MATN3: variants seen among roughly 807,000 people sequenced by gnomAD.
MATN3 encodes matrilin 3.
A neutral mutation model predicts 45.3 loss-of-function variants in MATN3; 48 were observed. The ratio of observed to expected loss-of-function variants is 1.06; its 90% CI spans 0.84 to 1.35. The LOEUF (loss-of-function observed/expected upper bound fraction) is 1.35, where lower values mean the gene tolerates loss of function less well. Among genes scored for constraint, MATN3 ranks in the 40% most tolerant of loss-of-function variants. The pLI, the probability that MATN3 is intolerant of heterozygous loss-of-function variation, is 0.00. For synonymous variants in MATN3, 217 were observed against 245.9 expected, an observed-to-expected ratio of 0.88 and a Z score of 1.10; for missense variants, 599 against 628.0, an observed-to-expected ratio of 0.95 and a Z score of 0.49.
intron 5 of MATN3, among the ~76,000 whole-genome samples, chr2:19,998,475 G>A (rs1672922988): frequency 6.6e-6 from 1 of 152,104 alleles, no homozygotes; most frequent in South Asian, 2.1e-4. Context: ...ATATAAATAG[G>A]CCAGGCACAG....
chr2:19,996,930 AAAAC>A (rs1297400509), intron 6 of MATN3, among the ~76,000 whole-genome samples, 200 bp downstream of exon 6: 1 of 152,216 alleles, frequency 6.6e-6, no homozygotes, highest in Non-Finnish European at 1.5e-5. Context: ...AAAAATGTGA[AAAAC>A]AGAGAAGACA....
chr2:20,005,631 A>AT, intron 2 of MATN3, 113 bp downstream of exon 2: 2 of 892,944 alleles, frequency 2.2e-6, no homozygotes, highest in South Asian at 3.7e-5. Context: ...CATTGGATAT[A>AT]TTTAAGTTTT....
chr2:19,996,794 C>G (rs928908226), intron 6 of MATN3, among the ~76,000 whole-genome samples: 3 of 151,828 alleles, frequency 2.0e-5, no homozygotes, highest in Non-Finnish European at 4.4e-5. Context: ...TGGTGGTTGC[C>G]CAACAATGTA....
Position 20,006,963 on chromosome 2 carries a change from A to G in MATN3, c.224-653T>C, listed in dbSNP as rs575373444. The stretch of plus-strand genomic sequence containing the variant: ...CCAGGCGTGGTGGCTCATGCCTGTA[A>G]TCCCAGCACTTTGGGAGGCCAAGGC... On this transcript the variant is annotated intron_variant, in intron 1 of 7. Coordinates refer to ENST00000407540, the MANE Select transcript of MATN3 (RefSeq NM_002381.5). Among the ~76,000 whole-genome samples the G allele has an allele frequency of 2.0e-3, 304 of 152,336 alleles. 1 individual carries two copies. The highest frequency in any genetic ancestry group is 3.3e-3 in the Admixed American group (51 of 15,314).
At chr2:20,004,939 C>G (rs893197885) in intron 2 of MATN3, among the ~76,000 whole-genome samples, 1 of 152,156 alleles carries the variant, frequency 6.6e-6, no homozygotes, top group Non-Finnish European at 1.5e-5. Context: ...ATGAGTCCCA[C>G]AGATCATAAT....
chr2:20,005,648 A>C (rs1673082569), intron 2 of MATN3, 96 bp downstream of exon 2: 3 of 1,109,484 alleles, frequency 2.7e-6, no homozygotes, highest in African/African-American at 2.1e-5. Flanking sequence ...TTTTTCATTA[A>C]ATTTCCACCA....
intron 5 of MATN3, among the ~76,000 whole-genome samples, chr2:19,999,751 A>G (rs946948598): frequency 1.3e-5 from 2 of 152,106 alleles, no homozygotes; most frequent in African/African-American, 4.8e-5. Context: ...AACACATTCA[A>G]TATGCCAAAG....
At chr2:19,997,390 A>ATGG in intron 5 of MATN3, 131 bp from the exon 6 acceptor site, 2 of 897,616 alleles carry the variant, frequency 2.2e-6, no homozygotes, top group Non-Finnish European at 1.6e-6. Flanking sequence ...AGTCAGCAAC[A>ATGG]GGCCCCATGC....
rs181466435 is a variant in MATN3 at position 19,995,034 on chromosome 2, G to A, written c.1295-625C>T. Among the ~76,000 whole-genome samples, 172 of 152,266 alleles carry A rather than the reference G, an allele frequency of 1.1e-3. No homozygotes were observed. The highest frequency in any genetic ancestry group is 2.0e-3 in the Non-Finnish European group (134 of 68,010). On this transcript the variant is annotated intron_variant, in intron 6 of 7. Coordinates refer to ENST00000407540, the MANE Select transcript of MATN3 (RefSeq NM_002381.5). This position sits in a 1 kb window ranked among gnomAD's most constrained non-coding sequence, Gnocchi z 4.2. ...GAGCCCAGGAGTTCAAGGCTGCAGT[G>A]AGCCATGATCACACCACTGCACTCC...
intron 3 of MATN3, among the ~76,000 whole-genome samples, 190 bp downstream of exon 3, chr2:20,002,971 G>A (rs950557164): frequency 1.3e-5 from 2 of 152,254 alleles, no homozygotes; most frequent in East Asian, 1.9e-4. Context: ...GAAATAAGCT[G>A]ATTTATCTAT....
intron 1 of MATN3, among the ~76,000 whole-genome samples, chr2:20,011,802 C>T (rs943903879): frequency 1.3e-5 from 2 of 152,216 alleles, no homozygotes; most frequent in African/African-American, 4.8e-5. Flanking sequence ...GTCAGACGAC[C>T]TGCCCGCTTC....
Position 19,997,237 on chromosome 2 carries a change from G to C in MATN3, c.1191C>G (p.Gly397=), listed in dbSNP as rs1672891324. 6.2e-7 allele frequency: 1 copy of C among 1,613,054 alleles called. No individual in the cohort carries two copies. The stretch of plus-strand genomic sequence containing the variant: ...CACAAATGTGCTGGCAACCATGAGA[G>C]CCTAGGGCACACTTGTCACGGACTG... The part of the protein sequence containing the change: ...TCSVRDKCAL[G]SHGCQHICVS... Residue 397 remains glycine (G), a synonymous_variant, in exon 6 of 8, where the codon GGC becomes GGG. Transcript: ENST00000407540.
chr2:20,005,699 A>C, intron 2 of MATN3, 45 bp downstream of exon 2: 1 of 1,405,844 alleles, frequency 7.1e-7, no homozygotes, highest in East Asian at 2.4e-5. Flanking sequence ...ACAATGTCTG[A>C]ATATAACATC....
intron 3 of MATN3, 125 bp from the exon 4 acceptor site, chr2:20,002,205 CAAGG>C: frequency 1.5e-6 from 1 of 648,286 alleles, no homozygotes; most frequent in East Asian, 4.1e-5. Context: ...GCTAATGAAA[CAAGG>C]GAGGGGCAGC....
intron 5 of MATN3, among the ~76,000 whole-genome samples, chr2:19,998,936 C>T (rs1348967428): frequency 6.6e-6 from 1 of 152,072 alleles, no homozygotes; most frequent in East Asian, 1.9e-4. Flanking sequence ...CTGCTACTTG[C>T]TAGCAGAGTA....
At chr2:20,003,328 A>G in intron 2 of MATN3, 42 bp from the exon 3 acceptor site, 2 of 1,548,172 alleles carry the variant, frequency 1.3e-6, no homozygotes, top group East Asian at 2.3e-5. Context: ...GACACTTAGG[A>G]AACATCTCAG....
chr2:19,996,031 G>C (rs564046330), intron 6 of MATN3, among the ~76,000 whole-genome samples: 1 of 152,266 alleles, frequency 6.6e-6, no homozygotes, highest in African/African-American at 2.4e-5. Flanking sequence ...TATAATACTT[G>C]TTCAGTGTCT....
At position 20,002,161 on chromosome 2, in the gene MATN3, T is replaced by TACACACACACACACAC. The variant is rs35083474; in HGVS notation, c.917-97_917-82dup. 4.6e-4 allele frequency: 301 copies of TACACACACACACACAC among 647,512 alleles called. 5 individuals carry two copies. The East Asian group carries it at 6.9e-3, about 15-fold the overall frequency. 40.1% of individuals were successfully genotyped at this position (647,512 alleles called of 1,614,324 possible). ...TTGTGGGCCACGCCACTTACAGTTA[T>TACACACACACACACAC]ACACACACACACACACACACACACA... On this transcript the variant is annotated intron_variant, in intron 3 of 7. Transcript: ENST00000407540.
Position 20,005,825 on chromosome 2 carries a change from G to A in MATN3, c.709C>T (p.Pro237Ser), listed in dbSNP as rs1218414532. 7 of 1,610,602 alleles carry A rather than the reference G, an allele frequency of 4.3e-6. No homozygotes were observed. Among genetic ancestry groups the A allele is most frequent in the South Asian group, 1.1e-5 (1 of 90,262 alleles). ...MASLKMMASEPLEEHVFYVET... is the reference protein window; with the variant it reads ...MASLKMMASESLEEHVFYVET... Reference sequence around the variant, plus strand: ...ACGTAGAAAACATGCTCCTCTAGGGGCTCACTGGCCATCATCTTGAGGGAC... The same window carrying A: ...ACGTAGAAAACATGCTCCTCTAGGGACTCACTGGCCATCATCTTGAGGGAC... The change falls in exon 2 of 8, where the codon CCC (proline) becomes TCC (serine). Residue 237 changes from proline to serine, a missense_variant. Coordinates refer to ENST00000407540, the MANE Select transcript of MATN3 (RefSeq NM_002381.5).
Sources: gnomAD v4.1 joint callset for allele counts (sites outside exome capture counted in the v4.1 genomes callset) on GRCh38, gnomAD v4.1.1 for gene constraint, Gnocchi (gnomAD v3.1) non-coding constraint, MANE v1.5 for transcripts, NCBI Gene and HGNC (gene_info 2026-07-23, HGNC 2026-07-21) for gene names.